BTBD9: variants seen among roughly 807,000 people sequenced by gnomAD.
BTBD9 encodes the protein BTB domain containing 9, also known as BTB/POZ domain-containing protein 9.
In BTBD9, 49 loss-of-function variants were observed where a neutral mutation model predicts 64.3. That is an observed-to-expected ratio of 0.76 (90% CI 0.61 to 0.97). BTBD9 has a LOEUF of 0.97. Ranked by LOEUF, BTBD9 falls within the 50% of genes least tolerant of loss-of-function variation. BTBD9 has a pLI of 0.00. For missense variants in BTBD9, 598 were observed against 762.1 expected, an observed-to-expected ratio of 0.78 and a Z score of 2.53; for synonymous variants, 260 against 274.7, an observed-to-expected ratio of 0.95 and a Z score of 0.53.
chr6:38,446,902 A>G (rs949445609), intron 6 of BTBD9, among the ~76,000 whole-genome samples: 1 of 152,206 alleles, frequency 6.6e-6, no homozygotes, highest in African/African-American at 2.4e-5. Flanking sequence ...AACCCTGCAT[A>G]CAAATCTAGA....
At chr6:38,311,160 C>T (rs891947399) in intron 7 of BTBD9, among the ~76,000 whole-genome samples, 2 of 152,062 alleles carry the variant, frequency 1.3e-5, no homozygotes, top group African/African-American at 4.8e-5. Context: ...ACTATAGTCA[C>T]CTTGCTGTGC....
intron 6 of BTBD9, among the ~76,000 whole-genome samples, chr6:38,454,865 C>T (rs958785753): frequency 1.3e-5 from 2 of 150,798 alleles, no homozygotes; most frequent in Non-Finnish European, 3.0e-5. Flanking sequence ...AAACCTCACT[C>T]ATTTAACAAA....
chr6:38,462,266 T>C (rs1347116805), intron 6 of BTBD9, among the ~76,000 whole-genome samples: 1 of 152,240 alleles, frequency 6.6e-6, no homozygotes, highest in Non-Finnish European at 1.5e-5. Context: ...TCTTACGTTT[T>C]CTTTTTCCTA....
intron 9 of BTBD9, among the ~76,000 whole-genome samples, chr6:38,212,728 T>A (rs931315183): frequency 5.3e-5 from 8 of 152,122 alleles, no homozygotes; most frequent in African/African-American, 1.9e-4. Context: ...AAGTTATTGA[T>A]TTAATGACGT....
At chr6:38,528,803 T>C (rs1033467138) in intron 6 of BTBD9, among the ~76,000 whole-genome samples, 5 of 152,064 alleles carry the variant, frequency 3.3e-5, no homozygotes, top group Non-Finnish European at 5.9e-5. Context: ...ATTGTGGGCC[T>C]TGGGTAAGAC....
At position 38,592,180 on chromosome 6, in the gene BTBD9, T is replaced by G. The variant is rs959421639; in HGVS notation, c.814+396A>C. ...TGGGCAACAAGAGTGAAACTCCATC[T>G]CAAAAAAAAAAAAAAGAATCTCCAT... is the stretch of plus-strand genomic sequence containing the variant. On this transcript the variant is annotated intron_variant, in intron 4 of 10. Transcript: ENST00000481247. Among the ~76,000 whole-genome samples the G allele has an allele frequency of 6.9e-5, 9 of 129,766 alleles. 1 individual carries two copies. Among genetic ancestry groups the G allele is most frequent in the South Asian group, 2.5e-4 (1 of 3,928 alleles). The allele number at this position is 129,766 out of a possible 152,430, so 85.1% of individuals were successfully genotyped here. A position where few individuals can be genotyped will look rare whatever the true frequency, so the allele number is the denominator to read the frequency against.
intron 8 of BTBD9, among the ~76,000 whole-genome samples, chr6:38,286,874 G>A (rs377328788): frequency 2.0e-5 from 3 of 151,964 alleles, no homozygotes; most frequent in East Asian, 3.9e-4. Flanking sequence ...TTGAGGTCAG[G>A]AGTTCAAGAC....
At chr6:38,544,902 G>C (rs1391384900) in intron 6 of BTBD9, among the ~76,000 whole-genome samples, 4 of 117,316 alleles carry the variant, frequency 3.4e-5, no homozygotes, top group Admixed American at 3.3e-4. Flanking sequence ...ACTCCAGCCT[G>C]GGAAACAAGA....
chr6:38,405,368 T>C (rs1185044003), intron 6 of BTBD9, among the ~76,000 whole-genome samples: 4 of 152,144 alleles, frequency 2.6e-5, no homozygotes, highest in Non-Finnish European at 4.4e-5. Context: ...TTTCTTGCCA[T>C]AGAGAGTAAT....
chr6:38,245,132 G>A (rs1198207866), intron 9 of BTBD9, among the ~76,000 whole-genome samples: 1 of 152,192 alleles, frequency 6.6e-6, no homozygotes, highest in Non-Finnish European at 1.5e-5. Context: ...GTGCTTGCTA[G>A]GCTACTACTA....
intron 1 of BTBD9, among the ~76,000 whole-genome samples, chr6:38,624,724 T>G (rs1208001813): frequency 6.6e-6 from 1 of 151,926 alleles, no homozygotes; most frequent in Non-Finnish European, 1.5e-5. Context: ...ATAAAATAAT[T>G]TATAATGAAA....
At chr6:38,213,910 G>A (rs2127501188) in intron 9 of BTBD9, among the ~76,000 whole-genome samples, 1 of 151,960 alleles carries the variant, frequency 6.6e-6, no homozygotes, top group Admixed American at 6.5e-5. Flanking sequence ...GCAGGAAAAT[G>A]GCATGAACCC....
At chr6:38,451,999 A>C (rs1769577653) in intron 6 of BTBD9, among the ~76,000 whole-genome samples, 1 of 152,114 alleles carries the variant, frequency 6.6e-6, no homozygotes, top group African/African-American at 2.4e-5. Context: ...CCAATGTAGA[A>C]GAGCTCTTTT....
chr6:38,363,343 A>G (rs915044474), intron 6 of BTBD9, among the ~76,000 whole-genome samples: 17 of 152,218 alleles, frequency 1.1e-4, no homozygotes, highest in Non-Finnish European at 2.5e-4. Context: ...GGACTGCTTG[A>G]GGCCAGGAGT....
intron 7 of BTBD9, among the ~76,000 whole-genome samples, chr6:38,299,956 G>A (rs1437991541): frequency 6.6e-6 from 1 of 152,042 alleles, no homozygotes; most frequent in Non-Finnish European, 1.5e-5. Context: ...GAATGGTATT[G>A]CCTAGGTTTT....
intron 6 of BTBD9, among the ~76,000 whole-genome samples, chr6:38,408,965 G>A (rs114247443): frequency 0.016 from 2,414 of 152,240 alleles, 29 homozygotes; most frequent in Non-Finnish European, 0.021. Flanking sequence ...AGAAATAATT[G>A]GTGGACAGGC....
intron 7 of BTBD9, among the ~76,000 whole-genome samples, chr6:38,319,502 GTGA>G (rs1449676345): frequency 6.6e-6 from 1 of 151,838 alleles, no homozygotes; most frequent in East Asian, 1.9e-4. Flanking sequence ...TAGTCAGCAC[GTGA>G]TGAATCCTGC....
chr6:38,588,648 T>C (rs1776654947), intron 4 of BTBD9: 1 of 215,674 alleles, frequency 4.6e-6, no homozygotes, highest in Non-Finnish European at 8.9e-6. Context: ...TTGTTATATC[T>C]TTGTTGCTGT....
intron 9 of BTBD9, among the ~76,000 whole-genome samples, chr6:38,213,197 T>G (rs1762894436): frequency 6.6e-6 from 1 of 152,152 alleles, no homozygotes; most frequent in African/African-American, 2.4e-5. Context: ...AAAGTTACAC[T>G]AAACCCCTGT....
Sources: allele counts gnomAD v4.1 joint callset (sites outside exome capture counted in the v4.1 genomes callset), GRCh38; gene constraint gnomAD v4.1.1; transcripts MANE v1.5; gene names NCBI Gene and HGNC (gene_info 2026-07-23, HGNC 2026-07-21).